CDC42: variants seen among roughly 807,000 people sequenced by gnomAD.
The protein encoded by CDC42 is cell division control protein 42 homolog.
Under a neutral mutation model 20.8 loss-of-function variants are expected in CDC42, and 1 was observed. That is an observed-to-expected ratio of 0.05 (90% confidence interval 0.02 to 0.23). The LOEUF is 0.23. Ranked by LOEUF, CDC42 falls within the 10% of genes least tolerant of loss-of-function variation. The probability of loss-of-function intolerance (pLI) is 1.00; values close to 1 mark genes in which losing one functional copy is unlikely to be tolerated. For missense variants in CDC42, 49 were observed against 227.9 expected (o/e 0.21, Z 5.05); for synonymous variants, 72 against 84.8 (o/e 0.85, Z 0.83).
intron 2 of CDC42, among the ~76,000 whole-genome samples, chr1:22,079,072 G>A (rs1050990761): frequency 2.6e-5 from 4 of 151,360 alleles, no homozygotes; most frequent in African/African-American, 7.3e-5. Context: ...GAGAAGACCT[G>A]TTATGTTTCG....
chr1:22,097,127 T>C lies in CDC42; in HGVS notation c.*5610T>C, dbSNP rs1645763168. On this transcript the variant is annotated 3_prime_UTR_variant, in exon 6 of 6. Transcript: ENST00000656825. The stretch of plus-strand genomic sequence containing the variant: ...CACATGGTGAGGAAAGGTGAGGACA[T>C]TTAGATGACCTTTGCCTGTCACCAC... Among the ~76,000 whole-genome samples the C allele has an allele frequency of 6.6e-6, 1 of 152,230 alleles. No individual in the cohort carries two copies. Among genetic ancestry groups the C allele is most frequent in the South Asian group, 2.1e-4 (1 of 4,834 alleles).
chr1:22,065,526 A>G (rs1055169856), intron 1 of CDC42, among the ~76,000 whole-genome samples: 2 of 152,128 alleles, frequency 1.3e-5, no homozygotes, highest in African/African-American at 2.4e-5. Context: ...GTTTCTGCAG[A>G]TTTTAATTTT....
intron 1 of CDC42, among the ~76,000 whole-genome samples, 158 bp from the exon 2 acceptor site, chr1:22,078,271 T>C (rs936875838): frequency 1.3e-5 from 2 of 152,248 alleles, no homozygotes; most frequent in Non-Finnish European, 2.9e-5. Context: ...TTTGTTATTG[T>C]AACTTATAGC....
Position 22,052,727 on chromosome 1 carries a change from C to G in CDC42, c.-66C>G, listed in dbSNP as rs368895195. On this transcript the variant is annotated 5_prime_UTR_variant, in exon 1 of 6. Coordinates refer to ENST00000656825, the MANE Select transcript of CDC42 (RefSeq NM_001791.4). Reference sequence around the variant, plus strand: ...ACCCCGCGCAGTGCTGCCAACGCCCCGGTGGAGAAGCTGAGGTGAGTGCGG... The same window carrying G: ...ACCCCGCGCAGTGCTGCCAACGCCCGGGTGGAGAAGCTGAGGTGAGTGCGG... 3.9e-5 allele frequency: 6 copies of G among 152,848 alleles called. No individual in the cohort carries two copies. The South Asian group carries it at 6.2e-4, about 16-fold the overall frequency. 9.5% of individuals were successfully genotyped at this position (152,848 alleles called of 1,614,324 possible). A position where few individuals can be genotyped will look rare whatever the true frequency, so the allele number is the denominator to read the frequency against.
intron 5 of CDC42, chr1:22,090,765 C>A (rs932697874): frequency 5.1e-6 from 5 of 984,840 alleles, no homozygotes; most frequent in Non-Finnish European, 6.0e-6. Flanking sequence ...ATTGTGGTTA[C>A]CTTCAAATTT....
At chr1:22,061,181 C>CG in intron 1 of CDC42, among the ~76,000 whole-genome samples, 1 of 152,044 alleles carries the variant, frequency 6.6e-6, no homozygotes, top group Non-Finnish European at 1.5e-5. Context: ...CCATGGCGGG[C>CG]GGATCACCTG....
rs545078362 is a variant in CDC42 at position 22,085,289 on chromosome 1, G to A, written c.179-1150G>A. Among the ~76,000 whole-genome samples the A allele has an allele frequency of 1.5e-4, 23 of 151,010 alleles. 1 individual carries two copies. The highest frequency in any genetic ancestry group is 1.3e-3 in the Admixed American group (19 of 15,142). ...CACATATGTAAGGGTTTATTTCTGG[G>A]TTCTCTAGTCTATTCCATTGTCTTA... On this transcript the variant is annotated intron_variant, in intron 3 of 5. Transcript: ENST00000656825.
At chr1:22,091,286 A>G (rs1645713229) in intron 5 of CDC42, 142 bp from the exon 6 acceptor site, 1 of 589,844 alleles carries the variant, frequency 1.7e-6, no homozygotes, top group Non-Finnish European at 3.1e-6. Context: ...TGGTGAAGTG[A>G]GATTATTGTG....
chr1:22,055,112 C>T (rs1289972879), intron 1 of CDC42, among the ~76,000 whole-genome samples: 1 of 150,920 alleles, frequency 6.6e-6, no homozygotes. Context: ...CGCCACCACG[C>T]CCGGCTAATT....
intron 1 of CDC42, among the ~76,000 whole-genome samples, chr1:22,069,100 GATGA>G (rs1203096096): frequency 4.0e-5 from 6 of 150,852 alleles, no homozygotes; most frequent in Non-Finnish European, 5.9e-5. Context: ...TGAATGAGTA[GATGA>G]ATGAGTAGAT....
chr1:22,097,710 A>T lies in CDC42; in HGVS notation c.*6193A>T, dbSNP rs1045085348. The stretch of plus-strand genomic sequence containing the variant: ...TGGGTAAACTTCTGTGAAGTTAGAC[A>T]CTTGCCTCTTAGAGGCATATCCAGT... On this transcript the variant is annotated 3_prime_UTR_variant, in exon 6 of 6. Coordinates refer to ENST00000656825, the MANE Select transcript of CDC42 (RefSeq NM_001791.4). Among the ~76,000 whole-genome samples the T allele has an allele frequency of 2.0e-5, 3 of 152,246 alleles. No homozygotes were observed. The highest frequency in any genetic ancestry group is 7.2e-5 in the African/African-American group (3 of 41,466).
rs1645769731 is a variant in CDC42 at position 22,098,249 on chromosome 1, C to T, written c.*6732C>T. ...GGCAGGTAGCTTCCACTTTTCTGGC[C>T]TCATTATCTGTAAAATTGCATACTT... On this transcript the variant is annotated 3_prime_UTR_variant, in exon 6 of 6. Transcript: ENST00000656825. Among the ~76,000 whole-genome samples the T allele has an allele frequency of 6.6e-6, 1 of 151,898 alleles. No individual in the cohort carries two copies. Among genetic ancestry groups the T allele is most frequent in the Non-Finnish European group, 1.5e-5 (1 of 67,984 alleles).
rs1036564554 is a variant in CDC42, at chr1:22,096,553, T to C, written c.*5036T>C. 5.3e-5 allele frequency among the ~76,000 whole-genome samples: 8 copies of C among 152,216 alleles called. No homozygotes were observed. Among genetic ancestry groups the C allele is most frequent in the Non-Finnish European group, 7.4e-5 (5 of 68,024 alleles). On this transcript the variant is annotated 3_prime_UTR_variant, in exon 6 of 6. Coordinates refer to ENST00000656825, the MANE Select transcript of CDC42 (RefSeq NM_001791.4). ...GTTCCCTTCCCTGGCACTGGAGACA[T>C]TGGAGAATGACAGTCTCAAGCAGTG...
chr1:22,086,148 A>T (rs188161449), intron 3 of CDC42, among the ~76,000 whole-genome samples: 2 of 152,174 alleles, frequency 1.3e-5, no homozygotes, highest in African/African-American at 4.8e-5. Context: ...CCATTTCTGT[A>T]GCAAGAGTTT....
rs1435472931 is a variant in CDC42 at position 22,052,721 on chromosome 1, A to G, written c.-72A>G. 1 of 152,936 alleles carries G rather than the reference A, an allele frequency of 6.5e-6. No homozygotes were observed. 9.5% of individuals were successfully genotyped at this position (152,936 alleles called of 1,614,324 possible). ...GAGGAGACCCCGCGCAGTGCTGCCA[A>G]CGCCCCGGTGGAGAAGCTGAGGTGA... On this transcript the variant is annotated 5_prime_UTR_variant, in exon 1 of 6. Transcript: ENST00000656825.
chr1:22,083,292 G>C (rs1645627478), intron 3 of CDC42, among the ~76,000 whole-genome samples: 2 of 151,844 alleles, frequency 1.3e-5, no homozygotes, highest in Non-Finnish European at 2.9e-5. Flanking sequence ...AAGCTTTTTT[G>C]ATGCGTAGTG....
rs1183233390 is a variant in CDC42 at position 22,098,024 on chromosome 1, C to A, written c.*6507C>A. Among the ~76,000 whole-genome samples the A allele has an allele frequency of 6.6e-6, 1 of 151,984 alleles. No homozygotes were observed. The highest frequency in any genetic ancestry group is 1.5e-5 in the Non-Finnish European group (1 of 68,012). The stretch of plus-strand genomic sequence containing the variant: ...AATAGAGCACAGGATCATAACTGTT[C>A]TGTTTGCTCTGATGCGTCCCGCAGA... On this transcript the variant is annotated 3_prime_UTR_variant, in exon 6 of 6. Coordinates refer to ENST00000656825, the MANE Select transcript of CDC42 (RefSeq NM_001791.4).
At position 22,100,170 on chromosome 1, in the gene CDC42, G is replaced by A. The variant is rs982598589; in HGVS notation, c.*8653G>A. On this transcript the variant is annotated 3_prime_UTR_variant, in exon 6 of 6. Transcript: ENST00000656825. ...GCAACCTGGCTCCCTTCTTTCATTAGCTTGACCCAAGCACAGGGAGATGAC... is the reference window on the plus strand; with the variant it reads ...GCAACCTGGCTCCCTTCTTTCATTAACTTGACCCAAGCACAGGGAGATGAC... 3.3e-5 allele frequency among the ~76,000 whole-genome samples: 5 copies of A among 151,910 alleles called. No homozygotes were observed. The highest frequency in any genetic ancestry group is 7.4e-5 in the Non-Finnish European group (5 of 68,006).
chr1:22,061,678 G>A (rs774431400), intron 1 of CDC42, among the ~76,000 whole-genome samples: 94 of 147,156 alleles, frequency 6.4e-4, no homozygotes, highest in Non-Finnish European at 1.2e-3. Context: ...TGAGTAGCTG[G>A]GATTACAGGT....
Sources: gnomAD v4.1 joint callset for allele counts (sites outside exome capture counted in the v4.1 genomes callset) on GRCh38, gnomAD v4.1.1 for gene constraint, MANE v1.5 for transcripts, NCBI Gene and HGNC (gene_info 2026-07-23, HGNC 2026-07-21) for gene names.